Variants in EIPR1 observed in about 807,000 individuals in gnomAD.
EIPR1 encodes EARP complex and GARP complex interacting protein 1, also known as EARP and GARP complex-interacting protein 1.
A neutral mutation model predicts 48.1 loss-of-function variants in EIPR1; 25 were observed. The ratio of observed to expected loss-of-function variants is 0.52; its 90% confidence interval spans 0.38 to 0.73. EIPR1 has a LOEUF of 0.73. EIPR1 is among the 30% of genes least tolerant of loss of function. The pLI, the probability that EIPR1 is intolerant of heterozygous loss-of-function variation, is 0.00. For synonymous variants in EIPR1, 204 were observed against 201.9 expected (o/e 1.01, Z -0.09); for missense variants, 415 against 506.2 (o/e 0.82, Z 1.73).
At chr2:3,295,721 A>C (rs1572408208) in intron 3 of EIPR1, among the ~76,000 whole-genome samples, 1 of 92,100 alleles carries the variant, frequency 1.1e-5, no homozygotes, top group Non-Finnish European at 2.1e-5. Context: ...CATCAAGCCC[A>C]TCCTCTCTAC....
At chr2:3,214,954 C>CCT (rs61300993) in intron 4 of EIPR1, among the ~76,000 whole-genome samples, 138,833 of 152,092 alleles carry the variant, frequency 0.91, 63,727 homozygotes, top group East Asian at 0.98. Context: ...GGGCAGGCTT[C>CCT]CTGTCTCTCT....
rs374175242 is a variant in EIPR1 at position 3,198,205 on chromosome 2, C to T, written c.517-1188G>A. Among the ~76,000 whole-genome samples the T allele has an allele frequency of 1.2e-3, 179 of 152,318 alleles. 3 individuals are homozygous for T. In the South Asian group the frequency reaches 0.034, roughly 29 times the overall value. ...CAGGTAAAGGGCTTTCTGGAAAGAGCGCACTGGCTGCAGATGCTCCTGGTG... is the reference window on the plus strand; with the variant it reads ...CAGGTAAAGGGCTTTCTGGAAAGAGTGCACTGGCTGCAGATGCTCCTGGTG... On this transcript the variant is annotated intron_variant, in intron 5 of 8. Transcript: ENST00000382125.
chr2:3,279,760 C>T (rs1667963083), intron 3 of EIPR1, among the ~76,000 whole-genome samples: 1 of 152,222 alleles, frequency 6.6e-6, no homozygotes, highest in South Asian at 2.1e-4. Flanking sequence ...ACCTGACGCG[C>T]AGAGCTGTGA....
intron 3 of EIPR1, among the ~76,000 whole-genome samples, chr2:3,267,682 C>G (rs572543084): frequency 6.6e-6 from 1 of 152,370 alleles, no homozygotes; most frequent in South Asian, 2.1e-4. Context: ...CTGCTGCAGA[C>G]CTACATCAAG....
In EIPR1 at chr2:3,290,178, G is replaced by A. The variant is rs192790847; in HGVS notation, c.260-32723C>T. 3.5e-3 allele frequency among the ~76,000 whole-genome samples: 527 copies of A among 152,370 alleles called. 5 individuals carry two copies. Among genetic ancestry groups the A allele is most frequent in the Middle Eastern group, 0.017 (5 of 294 alleles). On this transcript the variant is annotated intron_variant, in intron 3 of 8. Transcript: ENST00000382125. ...CTACAGGCCCAGCATACAGGGCAGT[G>A]CGTGGCACAAGACAGTGGCTCGTCT...
intron 2 of EIPR1, among the ~76,000 whole-genome samples, chr2:3,341,126 C>A (rs762687420): frequency 0.041 from 3,692 of 91,160 alleles, 1 homozygote; most frequent in Middle Eastern, 0.06. Context: ...AAAAACAAAA[C>A]AAAACTCCAC....
At chr2:3,194,632 A>G (rs975289142) in intron 6 of EIPR1, among the ~76,000 whole-genome samples, 6 of 152,050 alleles carry the variant, frequency 3.9e-5, no homozygotes, top group Non-Finnish European at 7.4e-5. Flanking sequence ...ATATACATAC[A>G]TACACATACA....
chr2:3,335,432 C>G (rs1670013284), intron 3 of EIPR1, among the ~76,000 whole-genome samples: 1 of 151,868 alleles, frequency 6.6e-6, no homozygotes, highest in African/African-American at 2.4e-5. Flanking sequence ...ATGGAGGCAG[C>G]TCCTGTTGTG....
intron 3 of EIPR1, among the ~76,000 whole-genome samples, chr2:3,295,299 C>CA (rs1572407426): frequency 1.0e-5 from 1 of 97,452 alleles, no homozygotes; most frequent in South Asian, 4.1e-4. Flanking sequence ...CGTCCTCTCT[C>CA]CACACACACC....
In EIPR1 at chr2:3,310,509, C is replaced by T. The variant is rs568451398; in HGVS notation, c.259+27508G>A. Among the ~76,000 whole-genome samples, 8 of 144,594 alleles carry T rather than the reference C, an allele frequency of 5.5e-5. No individual in the cohort carries two copies. In the South Asian group the frequency reaches 6.9e-4, roughly 12 times the overall value. The allele number at this position is 144,594 out of a possible 152,430, so 94.9% of individuals were successfully genotyped here. A position where few individuals can be genotyped will look rare whatever the true frequency, so the allele number is the denominator to read the frequency against. Reference sequence around the variant, plus strand: ...TCTACTAAAAATACAAAAAATTAGCCGGGCGTAGTGGCGGGCGCCTGTAGT... The same window carrying T: ...TCTACTAAAAATACAAAAAATTAGCTGGGCGTAGTGGCGGGCGCCTGTAGT... On this transcript the variant is annotated intron_variant, in intron 3 of 8. Transcript: ENST00000382125.
At chr2:3,327,344 C>A (rs938920680) in intron 3 of EIPR1, among the ~76,000 whole-genome samples, 1 of 152,106 alleles carries the variant, frequency 6.6e-6, no homozygotes, top group African/African-American at 2.4e-5. Flanking sequence ...CCACCACACC[C>A]GGCTAATTTT....
chr2:3,269,508 C>CATCGCACTCA (rs1365063882), intron 3 of EIPR1, among the ~76,000 whole-genome samples: 1 of 21,690 alleles, frequency 4.6e-5, no homozygotes, highest in African/African-American at 1.6e-4. Flanking sequence ...CGCACTCAAT[C>CATCGCACTCA]ATCATCACAC....
intron 4 of EIPR1, among the ~76,000 whole-genome samples, chr2:3,226,698 T>C (rs1475428563): frequency 6.6e-6 from 1 of 152,248 alleles, no homozygotes; most frequent in Non-Finnish European, 1.5e-5. Context: ...CCAATACTGA[T>C]AAGGTTTGGC....
chr2:3,237,238 AC>A (rs1666434464), intron 4 of EIPR1, among the ~76,000 whole-genome samples: 1 of 149,284 alleles, frequency 6.7e-6, no homozygotes, highest in Admixed American at 6.6e-5. Context: ...ACACACACAC[AC>A]ACACACACAC....
At chr2:3,208,279 C>T (rs1056649365) in intron 5 of EIPR1, 1 of 497,190 alleles carries the variant, frequency 2.0e-6, no homozygotes, top group African/African-American at 1.9e-5. Context: ...AGCAAGTTAT[C>T]TGAGAACCTC....
At chr2:3,376,895 A>T (rs185097317) in intron 1 of EIPR1, among the ~76,000 whole-genome samples, 1 of 152,244 alleles carries the variant, frequency 6.6e-6, no homozygotes, top group East Asian at 1.9e-4. Context: ...CACAATCCTC[A>T]TCTTCCTCCC....
At chr2:3,360,404 C>CAAAA (rs1386156001) in intron 1 of EIPR1, among the ~76,000 whole-genome samples, 2 of 127,330 alleles carry the variant, frequency 1.6e-5, no homozygotes, top group Non-Finnish European at 3.4e-5. Flanking sequence ...GACTCCATCT[C>CAAAA]AAAAAAAAAA....
chr2:3,286,920 CCGGCAGAGGGGGCGG>C lies in EIPR1; in HGVS notation c.260-29480_260-29466del, dbSNP rs1668203311. Among the ~76,000 whole-genome samples the C allele has an allele frequency of 6.6e-6, 1 of 150,582 alleles. No homozygotes were observed. The highest frequency in any genetic ancestry group is 1.5e-5 in the Non-Finnish European group (1 of 67,624). ...CGGTGGGGAGCACACAGAGTGCCAG[CCGGCAGAGGGGGCGG>C]TGGGGAGCACACAGAGTGCCAGCCG... On this transcript the variant is annotated intron_variant, in intron 3 of 8. Coordinates refer to ENST00000382125, the MANE Select transcript of EIPR1 (RefSeq NM_003310.5). This position sits in a 1 kb window ranked among gnomAD's most constrained non-coding sequence, Gnocchi z 4.2.
intron 5 of EIPR1, among the ~76,000 whole-genome samples, chr2:3,210,378 G>A (rs1470268558): frequency 1.3e-5 from 2 of 152,008 alleles, no homozygotes; most frequent in Non-Finnish European, 2.9e-5. Flanking sequence ...TCAGTCCCAC[G>A]GCCACACCAG....
Sources: allele counts gnomAD v4.1 joint callset (sites outside exome capture counted in the v4.1 genomes callset), GRCh38; gene constraint gnomAD v4.1.1; non-coding constraint Gnocchi (gnomAD v3.1); transcripts MANE v1.5; gene names NCBI Gene and HGNC (gene_info 2026-07-23, HGNC 2026-07-21).